Variants in EEPD1 observed in about 807,000 individuals in gnomAD.
EEPD1 encodes endonuclease/exonuclease/phosphatase family domain-containing protein 1.
EEPD1 carries 17 observed loss-of-function variants against 46.3 expected under a neutral mutation model. That is an observed-to-expected ratio of 0.37 (90% CI 0.25 to 0.55). EEPD1 has a LOEUF of 0.55. Among genes scored for constraint, EEPD1 ranks in the 20% least tolerant of loss-of-function variants. The probability of loss-of-function intolerance (pLI) is 0.83; values close to 1 mark genes in which losing one functional copy is unlikely to be tolerated. For synonymous variants in EEPD1, 313 were observed against 315.6 expected (o/e 0.99, Z 0.09); for missense variants, 673 against 745.6 (o/e 0.90, Z 1.13).
intron 2 of EEPD1, among the ~76,000 whole-genome samples, chr7:36,224,613 A>G (rs1786200985): frequency 6.6e-6 from 1 of 152,220 alleles, no homozygotes; most frequent in Non-Finnish European, 1.5e-5. Flanking sequence ...AGGGCCAGGA[A>G]CAGTAAAACG....
At chr7:36,201,687 C>T (rs1250223166) in intron 2 of EEPD1, among the ~76,000 whole-genome samples, 1 of 152,162 alleles carries the variant, frequency 6.6e-6, no homozygotes, top group African/African-American at 2.4e-5. Flanking sequence ...CTCTTCTTTC[C>T]TTCTTTCCAG....
chr7:36,250,752 C>T (rs1225649724), intron 3 of EEPD1, among the ~76,000 whole-genome samples: 2 of 152,232 alleles, frequency 1.3e-5, no homozygotes. Context: ...CAGAAAGATG[C>T]GTATATGTAC....
chr7:36,166,573 C>T (rs1019357680), intron 2 of EEPD1, among the ~76,000 whole-genome samples: 1 of 151,474 alleles, frequency 6.6e-6, no homozygotes, highest in Middle Eastern at 3.2e-3. Context: ...AACAAACAAA[C>T]AAAAAAACAG....
intron 2 of EEPD1, among the ~76,000 whole-genome samples, chr7:36,179,582 C>G (rs1005362102): frequency 4.0e-5 from 6 of 149,116 alleles, no homozygotes; most frequent in African/African-American, 1.2e-4. Context: ...AAAAAGAGGC[C>G]AGGTGTGGTG....
Position 36,299,852 on chromosome 7 carries a change from T to G in EEPD1, c.*646T>G, listed in dbSNP as rs1787590084. 7.7e-6 allele frequency: 1 copy of G among 130,618 alleles called. No homozygotes were observed. The highest frequency in any genetic ancestry group is 1.6e-5 in the Non-Finnish European group (1 of 64,506). 8.1% of individuals were successfully genotyped at this position (130,618 alleles called of 1,614,324 possible). Reference sequence around the variant, plus strand: ...TCTGTGTGGAGCTAGGGTCAAGCCCTGAGCAGCTTCACTTCCCCTGCGCCT... The same window carrying G: ...TCTGTGTGGAGCTAGGGTCAAGCCCGGAGCAGCTTCACTTCCCCTGCGCCT... On this transcript the variant is annotated 3_prime_UTR_variant, in exon 8 of 8. Transcript: ENST00000242108.
intron 3 of EEPD1, among the ~76,000 whole-genome samples, chr7:36,275,478 A>G (rs1787167254): frequency 6.6e-6 from 1 of 151,778 alleles, no homozygotes; most frequent in Non-Finnish European, 1.5e-5. Flanking sequence ...ACAGAATATC[A>G]CTCTGTCACC....
intron 3 of EEPD1, among the ~76,000 whole-genome samples, chr7:36,245,105 C>T (rs1161435356): frequency 1.3e-5 from 2 of 152,030 alleles, no homozygotes; most frequent in Non-Finnish European, 2.9e-5. Flanking sequence ...GCCACCATGC[C>T]CAGCTAATTT....
At chr7:36,257,701 GT>G (rs1786848852) in intron 3 of EEPD1, among the ~76,000 whole-genome samples, 1 of 152,034 alleles carries the variant, frequency 6.6e-6, no homozygotes, top group Admixed American at 6.6e-5. Context: ...CTTTAAACTG[GT>G]TATTCTACTT....
intron 2 of EEPD1, among the ~76,000 whole-genome samples, chr7:36,210,346 G>T (rs1211153173): frequency 6.6e-6 from 1 of 152,168 alleles, no homozygotes; most frequent in Admixed American, 6.5e-5. Context: ...AATGCAAAGG[G>T]TATTTAATAT....
chr7:36,232,464 G>T (rs527509589), intron 2 of EEPD1, among the ~76,000 whole-genome samples: 5 of 151,888 alleles, frequency 3.3e-5, no homozygotes, highest in African/African-American at 1.2e-4. Context: ...TCGGCCTCCT[G>T]AAGTGCTGGG....
chr7:36,280,599 G>A (rs1466851300), intron 3 of EEPD1, among the ~76,000 whole-genome samples: 1 of 152,238 alleles, frequency 6.6e-6, no homozygotes, highest in East Asian at 1.9e-4. Flanking sequence ...GCACGTGTGT[G>A]GGTGCAGCAG....
chr7:36,272,084 T>C (rs1425856244), intron 3 of EEPD1, among the ~76,000 whole-genome samples: 2 of 151,892 alleles, frequency 1.3e-5, no homozygotes, highest in Non-Finnish European at 1.5e-5. Flanking sequence ...GGTTTCACCA[T>C]GTTGGCCAGG....
Position 36,154,857 on chromosome 7 carries a change from T to C in EEPD1, c.533T>C (p.Val178Ala), listed in dbSNP as rs747449775. The C allele has an allele frequency of 1.7e-5, 27 of 1,613,964 alleles. No individual in the cohort carries two copies. Among genetic ancestry groups the C allele is most frequent in the Non-Finnish European group, 2.1e-5 (25 of 1,180,000 alleles). Residue 178 changes from valine (V) to alanine (A), a missense_variant, in exon 2 of 8, where the codon GTG becomes GCG. By Grantham distance (64) the Val-to-Ala change is moderately conservative. Transcript: ENST00000242108. The surrounding 1 kb of genome is among the most constrained non-coding windows in gnomAD (Gnocchi z 4.2). ...HGPFRSVEDLVRMDGINAAFL... is the reference protein window; with the variant it reads ...HGPFRSVEDLARMDGINAAFL... ...CCCTTTCGCAGCGTTGAGGACCTAG[T>C]GAGGATGGATGGTATCAATGCCGCC...
chr7:36,205,855 G>T (rs1785806074), intron 2 of EEPD1, among the ~76,000 whole-genome samples: 1 of 152,176 alleles, frequency 6.6e-6, no homozygotes, highest in South Asian at 2.1e-4. Flanking sequence ...GCAGAGAGTG[G>T]CACAGACAAA....
At chr7:36,219,699 TG>T (rs1786101845) in intron 2 of EEPD1, among the ~76,000 whole-genome samples, 1 of 145,412 alleles carries the variant, frequency 6.9e-6, no homozygotes, top group South Asian at 2.2e-4. Context: ...AAGAAAGAAG[TG>T]GGGACCAAAA....
At chr7:36,183,219 A>C (rs1415993751) in intron 2 of EEPD1, among the ~76,000 whole-genome samples, 3 of 152,066 alleles carry the variant, frequency 2.0e-5, no homozygotes, top group Non-Finnish European at 4.4e-5. Context: ...ATGTATCATC[A>C]TGTTCTCCAC....
At chr7:36,174,984 T>C (rs1437435495) in intron 2 of EEPD1, among the ~76,000 whole-genome samples, 1 of 152,224 alleles carries the variant, frequency 6.6e-6, no homozygotes, top group African/African-American at 2.4e-5. Flanking sequence ...AGACGATTTA[T>C]GGACAGAAGG....
At chr7:36,195,330 TG>T (rs754239653) in intron 2 of EEPD1, among the ~76,000 whole-genome samples, 6 of 152,210 alleles carry the variant, frequency 3.9e-5, no homozygotes, top group African/African-American at 7.2e-5. Flanking sequence ...AGTGGATGGA[TG>T]GCTGGCTCCC....
intron 2 of EEPD1, among the ~76,000 whole-genome samples, chr7:36,237,510 C>T (rs1017053788): frequency 1.1e-4 from 17 of 152,188 alleles, no homozygotes; most frequent in African/African-American, 4.1e-4. Flanking sequence ...TCCTTTTCCC[C>T]CAGTCCCTGG....
Sources: allele counts gnomAD v4.1 joint callset (sites outside exome capture counted in the v4.1 genomes callset), GRCh38; gene constraint gnomAD v4.1.1; non-coding constraint Gnocchi (gnomAD v3.1); transcripts MANE v1.5; gene names NCBI Gene and HGNC (gene_info 2026-07-23, HGNC 2026-07-21).